Variants in BLM observed in about 807,000 individuals in gnomAD.
BLM encodes recQ-like DNA helicase BLM.
In BLM, 95 loss-of-function variants were observed where a neutral mutation model predicts 135.3. The ratio of observed to expected loss-of-function variants is 0.70; its 90% confidence interval spans 0.59 to 0.83. The LOEUF (loss-of-function observed/expected upper bound fraction) is 0.83. Ranked by LOEUF, BLM falls within the 40% of genes least tolerant of loss-of-function variation. BLM has a pLI of 0.00. For synonymous variants in BLM, 520 were observed against 589.2 expected (o/e 0.88, Z 1.70); for missense variants, 1,518 against 1,663.9 (o/e 0.91, Z 1.53).
intron 1 of BLM, 106 bp from the exon 2 acceptor site, chr15:90,747,283 A>G (rs1426533854): frequency 3.0e-6 from 2 of 674,966 alleles, no homozygotes; most frequent in Middle Eastern, 3.1e-4. Flanking sequence ...CTCTGGGCAC[A>G]GTTGGAACAA....
chr15:90,751,550 A>T (rs1895682940), intron 3 of BLM, among the ~76,000 whole-genome samples: 1 of 152,200 alleles, frequency 6.6e-6, no homozygotes, highest in African/African-American at 2.4e-5. Flanking sequence ...AGACATGAAA[A>T]TCCCTAAGCA....
At chr15:90,758,041 C>G (rs536970716) in intron 5 of BLM, among the ~76,000 whole-genome samples, 50 of 152,042 alleles carry the variant, frequency 3.3e-4, no homozygotes, top group African/African-American at 1.1e-3. Flanking sequence ...ACCACTATGC[C>G]CAGCTTTTTT....
At chr15:90,718,057 C>T (rs918750073) in intron 1 of BLM, among the ~76,000 whole-genome samples, 4 of 152,158 alleles carry the variant, frequency 2.6e-5, no homozygotes, top group African/African-American at 7.2e-5. Context: ...TCTTGGTTTT[C>T]GTCTGTCATA....
chr15:90,812,364 C>T (rs1408249636), intron 21 of BLM, among the ~76,000 whole-genome samples: 3 of 152,174 alleles, frequency 2.0e-5, no homozygotes, highest in Admixed American at 6.5e-5. Context: ...TTTCCTGGGC[C>T]GCTCGTCTGG....
intron 1 of BLM, among the ~76,000 whole-genome samples, chr15:90,721,218 T>G (rs1476275752): frequency 6.6e-6 from 1 of 152,202 alleles, no homozygotes; most frequent in African/African-American, 2.4e-5. Context: ...CTGTATATTC[T>G]GGTGAGCTGT....
intron 1 of BLM, among the ~76,000 whole-genome samples, chr15:90,722,653 CAA>C (rs1161218743): frequency 2.0e-5 from 3 of 151,992 alleles, no homozygotes; most frequent in African/African-American, 4.8e-5. Flanking sequence ...AAAGAAATTA[CAA>C]AGTTTAGTTA....
At chr15:90,777,430 G>T (rs1896508815) in intron 12 of BLM, among the ~76,000 whole-genome samples, 1 of 152,190 alleles carries the variant, frequency 6.6e-6, no homozygotes, top group Non-Finnish European at 1.5e-5. Context: ...TGGGATTAGA[G>T]GCGTGAGCCA....
At chr15:90,810,374 T>C (rs12592875) in intron 20 of BLM, among the ~76,000 whole-genome samples, 50,398 of 151,990 alleles carry the variant, frequency 0.33, 9,282 homozygotes, top group East Asian at 0.55. Flanking sequence ...TAAATTCTTC[T>C]ATATGGTAAT....
intron 12 of BLM, among the ~76,000 whole-genome samples, chr15:90,779,256 G>A (rs768285233): frequency 2.2e-4 from 34 of 152,086 alleles, no homozygotes; most frequent in African/African-American, 7.7e-4. Context: ...TTTCACTAGC[G>A]ATGTATGAGG....
chr15:90,772,200 A>G (rs538963583), intron 12 of BLM, among the ~76,000 whole-genome samples: 2 of 152,296 alleles, frequency 1.3e-5, no homozygotes, highest in Admixed American at 1.3e-4. Flanking sequence ...AACTGCTGCT[A>G]TGTCGTGGCC....
chr15:90,782,768 C>A, intron 12 of BLM, 54 bp from the exon 13 acceptor site: 2 of 1,381,542 alleles, frequency 1.4e-6, no homozygotes. Context: ...TATAACAATA[C>A]CTAAAGTCAT....
intron 5 of BLM, chr15:90,759,859 G>C: frequency 9.3e-6 from 3 of 321,380 alleles, no homozygotes; most frequent in Non-Finnish European, 1.8e-5. Context: ...TACCCTTCTT[G>C]GCCTCCCAAA....
intron 12 of BLM, among the ~76,000 whole-genome samples, chr15:90,777,271 C>T (rs1344533907): frequency 6.6e-6 from 1 of 152,140 alleles, no homozygotes; most frequent in Admixed American, 6.6e-5. Flanking sequence ...CCTGCCTCAG[C>T]CTCCCAAGTA....
intron 2 of BLM, among the ~76,000 whole-genome samples, chr15:90,747,915 C>T (rs1326052259): frequency 6.6e-6 from 1 of 152,106 alleles, no homozygotes; most frequent in Non-Finnish European, 1.5e-5. Context: ...TCACGCCATT[C>T]TCCTGCCTCA....
intron 5 of BLM, among the ~76,000 whole-genome samples, chr15:90,757,696 T>C (rs1259463045): frequency 6.6e-6 from 1 of 152,120 alleles, no homozygotes; most frequent in East Asian, 1.9e-4. Context: ...GACTGCTCTG[T>C]CAGCAATGTC....
chr15:90,745,469 G>A (rs538026439), intron 1 of BLM, among the ~76,000 whole-genome samples: 1 of 152,212 alleles, frequency 6.6e-6, no homozygotes, highest in East Asian at 1.9e-4. Flanking sequence ...GAGTGCAGTG[G>A]CACAATCTCA....
intron 5 of BLM, among the ~76,000 whole-genome samples, chr15:90,757,394 G>A (rs970600089): frequency 6.6e-6 from 1 of 152,152 alleles, no homozygotes; most frequent in Non-Finnish European, 1.5e-5. Flanking sequence ...GCTAGTCTCT[G>A]ATAGCTAGGT....
At chr15:90,784,875 T>G in intron 13 of BLM, 46 bp from the exon 14 acceptor site, 1 of 1,592,656 alleles carries the variant, frequency 6.3e-7, no homozygotes, top group South Asian at 1.1e-5. Flanking sequence ...GTGTTTTTGT[T>G]TATGTTAAAA....
At chr15:90,725,946 C>T (rs1179945153) in intron 1 of BLM, among the ~76,000 whole-genome samples, 2 of 151,948 alleles carry the variant, frequency 1.3e-5, no homozygotes, top group African/African-American at 2.4e-5. Context: ...ATATCTTCTA[C>T]TTTGGCTTTT....
Sources: gnomAD v4.1 joint callset for allele counts (sites outside exome capture counted in the v4.1 genomes callset) on GRCh38, gnomAD v4.1.1 for gene constraint, MANE v1.5 for transcripts, NCBI Gene and HGNC (gene_info 2026-07-23, HGNC 2026-07-21) for gene names.